Variants in HSPA12A observed in about 807,000 individuals in gnomAD.
HSPA12A encodes the protein heat shock protein family A (Hsp70) member 12A.
HSPA12A carries 28 observed loss-of-function variants against 69.2 expected under a neutral mutation model. That is an observed-to-expected ratio of 0.40 (90% confidence interval 0.30 to 0.55). HSPA12A has a LOEUF of 0.55. Ranked by LOEUF, HSPA12A falls within the 20% of genes least tolerant of loss-of-function variation. The pLI, the probability that HSPA12A is intolerant of heterozygous loss-of-function variation, is 0.38. For missense variants in HSPA12A, 686 were observed against 900.7 expected (o/e 0.76, Z 3.05); for synonymous variants, 345 against 370.5 (o/e 0.93, Z 0.79).
intron 2 of HSPA12A, among the ~76,000 whole-genome samples, chr10:116,816,854 CT>C (rs1278740862): frequency 6.6e-6 from 1 of 152,104 alleles, no homozygotes; most frequent in Admixed American, 6.5e-5. Context: ...CCAACAACAC[CT>C]TTGCTCAGTA....
In HSPA12A at chr10:116,832,938, G is replaced by A. The variant is rs372659428; in HGVS notation, c.91+1997C>T. On this transcript the variant is annotated intron_variant, in intron 2 of 12. Coordinates refer to the HSPA12A transcript ENST00000635765. ...CCCCCATTTTCACTGTTCCATATTAGAGAAAACAGAGGCAGCGGGTAGGAA... is the reference window on the plus strand; with the variant it reads ...CCCCCATTTTCACTGTTCCATATTAAAGAAAACAGAGGCAGCGGGTAGGAA... 8 of 152,220 alleles carry A rather than the reference G, an allele frequency of 5.3e-5. No individual in the cohort carries two copies. The South Asian group carries it at 8.3e-4, about 16-fold the overall frequency. The allele number at this position is 152,220 out of a possible 1,614,324, so 9.4% of individuals were successfully genotyped here.
In HSPA12A at chr10:116,674,645, CT is replaced by C. The variant is rs1961959689; in HGVS notation, c.*135del. ...CAAAAGTCACTAATTATTTCTAGCC[CT>C]GATTGTTCTCATCTTCCCTGCTGAA... is the stretch of plus-strand genomic sequence containing the variant. On this transcript the variant is annotated 3_prime_UTR_variant, in exon 12 of 12. Transcript: ENST00000369209. 1.2e-6 allele frequency: 1 copy of C among 839,366 alleles called. No homozygotes were observed. The highest frequency in any genetic ancestry group is 1.8e-6 in the Non-Finnish European group (1 of 546,018). The allele number at this position is 839,366 out of a possible 1,614,324, so 52.0% of individuals were successfully genotyped here. A position where few individuals can be genotyped will look rare whatever the true frequency, so the allele number is the denominator to read the frequency against.
At chr10:116,849,665 G>C in exon 1 of HSPA12A, 1 of 1,550,008 alleles carries the variant, frequency 6.5e-7, no homozygotes, top group Non-Finnish European at 8.7e-7. Context: ...ACGACGTTCC[G>C]CGCAGGCTGG....
intron 5 of HSPA12A, among the ~76,000 whole-genome samples, chr10:116,695,085 T>C (rs1849847513): frequency 6.6e-6 from 1 of 152,026 alleles, no homozygotes; most frequent in African/African-American, 2.4e-5. Flanking sequence ...TTCTTCTTGG[T>C]TGTCAGATCC....
At chr10:116,690,770 C>G (rs1178224693) in intron 6 of HSPA12A, among the ~76,000 whole-genome samples, 2 of 152,094 alleles carry the variant, frequency 1.3e-5, no homozygotes, top group Non-Finnish European at 2.9e-5. Flanking sequence ...GCTCAAACTC[C>G]CCTGACAGAT....
intron 1 of HSPA12A, among the ~76,000 whole-genome samples, chr10:116,841,270 T>C (rs756208961): frequency 6.6e-6 from 1 of 152,168 alleles, no homozygotes; most frequent in Non-Finnish European, 1.5e-5. Context: ...CAAACATCAT[T>C]AATAACATAA....
At chr10:116,762,135 C>T (rs545603059) in intron 2 of HSPA12A, among the ~76,000 whole-genome samples, 6 of 152,282 alleles carry the variant, frequency 3.9e-5, no homozygotes, top group South Asian at 2.1e-4. Flanking sequence ...GGACCTTTGG[C>T]GTAGCATAAG....
intron 2 of HSPA12A, among the ~76,000 whole-genome samples, chr10:116,826,335 C>A (rs2133203828): frequency 6.6e-6 from 1 of 152,334 alleles, no homozygotes; most frequent in South Asian, 2.1e-4. Flanking sequence ...CATTGGCTTT[C>A]ACTCACCAGA....
chr10:116,725,654 G>A (rs1554884884), intron 1 of HSPA12A, among the ~76,000 whole-genome samples: 1 of 152,194 alleles, frequency 6.6e-6, no homozygotes, highest in East Asian at 1.9e-4. Context: ...GAAGGAGTGG[G>A]GGTGGCAGAA....
chr10:116,799,754 G>T (rs1248691839), intron 2 of HSPA12A, among the ~76,000 whole-genome samples: 1 of 152,204 alleles, frequency 6.6e-6, no homozygotes, highest in African/African-American at 2.4e-5. Flanking sequence ...GAAGGAGGGT[G>T]CAGGGCTGTC....
In HSPA12A at chr10:116,686,500, C is replaced by T. The variant is rs1849579867; in HGVS notation, c.664-2538G>A. On this transcript the variant is annotated intron_variant, in intron 6 of 11. Coordinates refer to ENST00000369209, the MANE Select transcript of HSPA12A (RefSeq NM_025015.3). This position sits in a 1 kb window ranked among gnomAD's most constrained non-coding sequence, Gnocchi z 4.1. ...AAACTTGAAAATAAACTGGGGATGG[C>T]AGTAGACCCATGAGTGGAGCCCAAG... Among the ~76,000 whole-genome samples the T allele has an allele frequency of 6.6e-6, 1 of 152,188 alleles. No individual in the cohort carries two copies.
intron 2 of HSPA12A, among the ~76,000 whole-genome samples, chr10:116,763,577 C>G (rs1390682291): frequency 6.6e-6 from 1 of 152,194 alleles, no homozygotes; most frequent in African/African-American, 2.4e-5. Context: ...GGAACTGCCC[C>G]CAGCAGGGTG....
At chr10:116,838,841 G>A (rs760404427) in intron 1 of HSPA12A, among the ~76,000 whole-genome samples, 1 of 152,182 alleles carries the variant, frequency 6.6e-6, no homozygotes, top group Non-Finnish European at 1.5e-5. Flanking sequence ...ATTCTAACCC[G>A]GGCTAATATG....
intron 1 of HSPA12A, among the ~76,000 whole-genome samples, chr10:116,839,630 A>G (rs530917170): frequency 0.044 from 6,438 of 146,896 alleles, 545 homozygotes; most frequent in African/African-American, 0.16. Context: ...AAAAAAAAAA[A>G]CCTAAAATCT....
In HSPA12A at chr10:116,711,080, G is replaced by C. The variant is rs533157670; in HGVS notation, c.41-3795C>G. 3.9e-5 allele frequency among the ~76,000 whole-genome samples: 6 copies of C among 152,306 alleles called. No individual in the cohort carries two copies. The East Asian group carries it at 1.2e-3, about 29-fold the overall frequency. On this transcript the variant is annotated intron_variant, in intron 1 of 11. Coordinates refer to ENST00000369209, the MANE Select transcript of HSPA12A (RefSeq NM_025015.3). ...ATATAAGCTAATGGACAACAGGAGA[G>C]AATTGATGTATGGAATGCCCTATAC...
chr10:116,711,819 G>A (rs967650925), intron 1 of HSPA12A, among the ~76,000 whole-genome samples: 21 of 150,952 alleles, frequency 1.4e-4, no homozygotes, highest in African/African-American at 2.4e-4. Flanking sequence ...GCCTGCCAAC[G>A]CGCCCAGCTA....
intron 5 of HSPA12A, among the ~76,000 whole-genome samples, chr10:116,696,681 C>G (rs1849915767): frequency 6.6e-6 from 1 of 152,124 alleles, no homozygotes; most frequent in Non-Finnish European, 1.5e-5. Flanking sequence ...CCTTTGAGGA[C>G]TCCCCATTAA....
intron 2 of HSPA12A, among the ~76,000 whole-genome samples, chr10:116,762,907 A>G (rs1844002970): frequency 6.6e-6 from 1 of 152,160 alleles, no homozygotes; most frequent in South Asian, 2.1e-4. Flanking sequence ...TCAGTAGGGC[A>G]TCCCTCCTCT....
At chr10:116,678,586 GAAAAAA>G (rs11435803) in intron 10 of HSPA12A, among the ~76,000 whole-genome samples, 4 of 128,674 alleles carry the variant, frequency 3.1e-5, no homozygotes, top group Admixed American at 8.3e-5. Flanking sequence ...GGTACAAAGT[GAAAAAA>G]AAAAAAAAAA....
Sources: allele counts gnomAD v4.1 joint callset (sites outside exome capture counted in the v4.1 genomes callset), GRCh38; gene constraint gnomAD v4.1.1; non-coding constraint Gnocchi (gnomAD v3.1); transcripts MANE v1.5; gene names NCBI Gene and HGNC (gene_info 2026-07-23, HGNC 2026-07-21).